The following RASGEF1C variants were observed in gnomAD, a reference collection of about 807,000 sequenced individuals.
The protein encoded by RASGEF1C is RasGEF domain family member 1C.
RASGEF1C carries 27 observed loss-of-function variants against 58.1 expected under a neutral mutation model. The ratio of observed to expected loss-of-function variants is 0.46; its 90% CI spans 0.34 to 0.64. The LOEUF (loss-of-function observed/expected upper bound fraction) is 0.64. Among genes scored for constraint, RASGEF1C ranks in the 30% least tolerant of loss-of-function variants. The probability of loss-of-function intolerance (pLI) is 0.01; values close to 1 mark genes in which losing one functional copy is unlikely to be tolerated. For synonymous variants in RASGEF1C, 243 were observed against 246.3 expected, an observed-to-expected ratio of 0.99 and a Z score of 0.13; for missense variants, 502 against 605.1, an observed-to-expected ratio of 0.83 and a Z score of 1.79.
At chr5:180,139,683 C>G (rs1277491750) in intron 1 of RASGEF1C, among the ~76,000 whole-genome samples, 2 of 152,230 alleles carry the variant, frequency 1.3e-5, no homozygotes, top group Non-Finnish European at 2.9e-5. Context: ...TTCACAAAAT[C>G]ACCTCCTGTC....
chr5:180,111,732 A>C (rs1265388630), intron 11 of RASGEF1C, 152 bp from the exon 12 acceptor site: 17 of 746,192 alleles, frequency 2.3e-5, no homozygotes, highest in Non-Finnish European at 3.8e-5. Context: ...GGGCGAGAGC[A>C]GTCCTGGCCT....
rs773485712 is a variant in RASGEF1C at position 180,102,060 on chromosome 5, G to A, written c.1376+11C>T. 3 of 1,537,976 alleles carry A rather than the reference G, an allele frequency of 2.0e-6. No homozygotes were observed. In the South Asian group the frequency reaches 3.3e-5, roughly 17 times the overall value. On this transcript the variant is annotated intron_variant, in intron 13 of 13. Coordinates refer to ENST00000361132, the MANE Select transcript of RASGEF1C (RefSeq NM_175062.4). Reference sequence around the variant, plus strand: ...GCAGCCCCCAGGCCCCACCTTGGCAGGAAGACTCACCTTAGAGCTTTCCAT... The same window carrying A: ...GCAGCCCCCAGGCCCCACCTTGGCAAGAAGACTCACCTTAGAGCTTTCCAT...
intron 1 of RASGEF1C, chr5:180,138,270 T>C: frequency 7.0e-6 from 3 of 426,594 alleles, no homozygotes; most frequent in Non-Finnish European, 8.2e-6. Context: ...TCATGGCCTC[T>C]CAACTCTCCT....
intron 1 of RASGEF1C, among the ~76,000 whole-genome samples, chr5:180,165,258 AAT>A (rs1222879270): frequency 6.6e-6 from 1 of 152,216 alleles, no homozygotes; most frequent in African/African-American, 2.4e-5. Flanking sequence ...AAGACTTTAC[AAT>A]TACTATATTT....
At chr5:180,181,887 T>G (rs1056027316) in intron 1 of RASGEF1C, among the ~76,000 whole-genome samples, 4 of 152,028 alleles carry the variant, frequency 2.6e-5, no homozygotes, top group African/African-American at 9.7e-5. Context: ...CTTCGGTTGG[T>G]TTGTGGTCTC....
intron 10 of RASGEF1C, among the ~76,000 whole-genome samples, chr5:180,115,867 G>T (rs1023135819): frequency 4.6e-5 from 7 of 151,938 alleles, no homozygotes; most frequent in African/African-American, 9.7e-5. Context: ...GATCAGTGGT[G>T]GGGGGGGATT....
chr5:180,208,537 T>C lies in RASGEF1C; in HGVS notation c.-7+491A>G, dbSNP rs528426314. Among the ~76,000 whole-genome samples, 48 of 152,282 alleles carry C rather than the reference T, an allele frequency of 3.2e-4. 1 individual carries two copies. Among genetic ancestry groups the C allele is most frequent in the Non-Finnish European group, 8.8e-5 (6 of 68,022 alleles). ...ACTGTTCTCGCAGGCCCTCTGATAG[T>C]GGCGCTGGTCCTTTCCTCAAATCCG... is the stretch of plus-strand genomic sequence containing the variant. On this transcript the variant is annotated intron_variant, in intron 1 of 13. Coordinates refer to ENST00000361132, the MANE Select transcript of RASGEF1C (RefSeq NM_175062.4).
intron 1 of RASGEF1C, among the ~76,000 whole-genome samples, chr5:180,167,486 C>T (rs1220328799): frequency 6.6e-6 from 1 of 151,928 alleles, no homozygotes; most frequent in Non-Finnish European, 1.5e-5. Context: ...GAGACCCTGT[C>T]TCTAAATAAA....
At chr5:180,203,972 G>A (rs1168869181) in intron 1 of RASGEF1C, among the ~76,000 whole-genome samples, 3 of 148,808 alleles carry the variant, frequency 2.0e-5, no homozygotes, top group African/African-American at 2.5e-5. Flanking sequence ...TAGCCTGGGC[G>A]ACAGAGTGAG....
intron 4 of RASGEF1C, among the ~76,000 whole-genome samples, chr5:180,131,442 A>G (rs1766367857): frequency 6.6e-6 from 1 of 151,408 alleles, no homozygotes; most frequent in Non-Finnish European, 1.5e-5. Context: ...CATCCACTGG[A>G]CCGAAGCTCA....
chr5:180,135,282 C>CG (rs2113275211), intron 4 of RASGEF1C: 1 of 152,332 alleles, frequency 6.6e-6, no homozygotes, highest in South Asian at 2.1e-4. Flanking sequence ...GAAGTGACCC[C>CG]GGGCAGTGCC....
At chr5:180,108,180 T>C (rs1412054722) in intron 12 of RASGEF1C, among the ~76,000 whole-genome samples, 2 of 151,380 alleles carry the variant, frequency 1.3e-5, no homozygotes, top group East Asian at 1.9e-4. Context: ...CCTGAAAATA[T>C]GTTTCAGTCT....
At chr5:180,175,232 C>A (rs1288679342) in intron 1 of RASGEF1C, among the ~76,000 whole-genome samples, 2 of 152,198 alleles carry the variant, frequency 1.3e-5, no homozygotes, top group African/African-American at 4.8e-5. Flanking sequence ...TTGGAGCCCC[C>A]CCAGCGCCGG....
At chr5:180,152,941 G>C (rs1232219182) in intron 1 of RASGEF1C, among the ~76,000 whole-genome samples, 3 of 150,202 alleles carry the variant, frequency 2.0e-5, no homozygotes, top group African/African-American at 4.9e-5. Flanking sequence ...AAAAGTTATA[G>C]GTTGCCTCTG....
chr5:180,109,970 C>T (rs1469843201), intron 12 of RASGEF1C, among the ~76,000 whole-genome samples: 1 of 152,210 alleles, frequency 6.6e-6, no homozygotes, highest in Non-Finnish European at 1.5e-5. Context: ...CCTCTGCTCT[C>T]CAGAAGTGTG....
chr5:180,209,192 C>T lies in RASGEF1C; in HGVS notation c.-171G>A, dbSNP rs1311859625. 11 of 147,116 alleles carry T rather than the reference C, an allele frequency of 7.5e-5. No homozygotes were observed. The highest frequency in any genetic ancestry group is 2.7e-4 in the African/African-American group (11 of 40,898). The allele number at this position is 147,116 out of a possible 1,614,324, so 9.1% of individuals were successfully genotyped here. ...CAGCGCAGCCCGCACGAGCGCCTGGCGGCGGCCCCGGAGCAACGCGGCGCT... is the reference window on the plus strand; with the variant it reads ...CAGCGCAGCCCGCACGAGCGCCTGGTGGCGGCCCCGGAGCAACGCGGCGCT... On this transcript the variant is annotated 5_prime_UTR_variant, in exon 1 of 14. Transcript: ENST00000361132.
intron 1 of RASGEF1C, among the ~76,000 whole-genome samples, chr5:180,170,242 G>C (rs1157163009): frequency 1.3e-5 from 2 of 152,224 alleles, no homozygotes; most frequent in Non-Finnish European, 2.9e-5. Context: ...GGGAGGGGCC[G>C]AGAGCTCAGG....
intron 1 of RASGEF1C, among the ~76,000 whole-genome samples, chr5:180,166,924 A>G (rs997105986): frequency 3.9e-5 from 6 of 152,158 alleles, no homozygotes; most frequent in African/African-American, 7.2e-5. Context: ...GGACGTCCAC[A>G]GTCATTTGAA....
At chr5:180,114,652 C>A in intron 10 of RASGEF1C, 111 bp from the exon 11 acceptor site, 2 of 1,009,936 alleles carry the variant, frequency 2.0e-6, no homozygotes, top group Non-Finnish European at 2.9e-6. Flanking sequence ...CAGACCCGAC[C>A]CCAGGGTGCA....
Sources: gnomAD v4.1 joint callset for allele counts (sites outside exome capture counted in the v4.1 genomes callset) on GRCh38, gnomAD v4.1.1 for gene constraint, MANE v1.5 for transcripts, NCBI Gene and HGNC (gene_info 2026-07-23, HGNC 2026-07-21) for gene names.